Variants in GPC6 observed in about 807,000 individuals in gnomAD.
The protein encoded by GPC6 is glypican 6.
GPC6 carries 14 observed loss-of-function variants against 55.2 expected under a neutral mutation model. The ratio of observed to expected loss-of-function variants is 0.25; its 90% CI spans 0.17 to 0.40. GPC6 has a LOEUF of 0.40. GPC6 is among the 10% of genes least tolerant of loss of function. The probability of loss-of-function intolerance (pLI) is 1.00; values close to 1 mark genes in which losing one functional copy is unlikely to be tolerated. For synonymous variants in GPC6, 278 were observed against 259.6 expected (o/e 1.07, Z -0.68); for missense variants, 641 against 708.5 (o/e 0.90, Z 1.08).
intron 4 of GPC6, among the ~76,000 whole-genome samples, chr13:94,045,469 C>T (rs1395713955): frequency 6.6e-6 from 1 of 151,848 alleles, no homozygotes; most frequent in African/African-American, 2.4e-5. Flanking sequence ...CTCTTGTCCA[C>T]CTGGCAGTAT....
At chr13:93,804,592 A>G (rs1886485150) in intron 2 of GPC6, among the ~76,000 whole-genome samples, 1 of 152,198 alleles carries the variant, frequency 6.6e-6, no homozygotes, top group African/African-American at 2.4e-5. Flanking sequence ...TATATTTCAT[A>G]GTAAGTTCTT....
chr13:93,626,026 T>C (rs1278305916), intron 2 of GPC6, among the ~76,000 whole-genome samples: 1 of 152,176 alleles, frequency 6.6e-6, no homozygotes, highest in Admixed American at 6.5e-5. Flanking sequence ...TCCATCATGA[T>C]TGATACATGA....
chr13:93,931,145 G>A (rs141396483), intron 3 of GPC6, among the ~76,000 whole-genome samples: 6 of 152,190 alleles, frequency 3.9e-5, no homozygotes, highest in African/African-American at 1.2e-4. Context: ...TTACAATTCA[G>A]TATGAGATTT....
intron 4 of GPC6, among the ~76,000 whole-genome samples, chr13:94,262,641 C>G (rs1170061118): frequency 2.0e-5 from 3 of 150,016 alleles, no homozygotes; most frequent in Non-Finnish European, 4.4e-5. Context: ...CCACTGCACT[C>G]CAGCCTGGGC....
chr13:93,594,157 T>A (rs187825487), intron 2 of GPC6, among the ~76,000 whole-genome samples: 35 of 152,228 alleles, frequency 2.3e-4, no homozygotes, highest in Middle Eastern at 3.4e-3. Flanking sequence ...ATTTTATTTT[T>A]TTTTTTACTT....
At chr13:93,883,979 A>G (rs1875159635) in intron 3 of GPC6, among the ~76,000 whole-genome samples, 1 of 152,310 alleles carries the variant, frequency 6.6e-6, no homozygotes, top group Non-Finnish European at 1.5e-5. Context: ...TTAAATTGTT[A>G]CATATAAAAT....
At chr13:93,789,871 A>G (rs1449928674) in intron 2 of GPC6, among the ~76,000 whole-genome samples, 1 of 151,606 alleles carries the variant, frequency 6.6e-6, no homozygotes, top group Non-Finnish European at 1.5e-5. Context: ...CATAAGGAGA[A>G]ACATATACTC....
chr13:93,364,594 T>C lies in GPC6; in HGVS notation c.160+136978T>C, dbSNP rs192118145. 2.0e-5 allele frequency among the ~76,000 whole-genome samples: 3 copies of C among 152,034 alleles called. No homozygotes were observed. In the East Asian group the frequency reaches 5.8e-4, roughly 29 times the overall value. On this transcript the variant is annotated intron_variant, in intron 1 of 8. Transcript: ENST00000377047. The stretch of plus-strand genomic sequence containing the variant: ...GTAAAAGCTATGAATTAAGTGAGCC[T>C]TGTTTGAAATAAATGAATTATCTCT...
At chr13:93,605,411 C>T (rs1228437793) in intron 2 of GPC6, among the ~76,000 whole-genome samples, 1 of 152,126 alleles carries the variant, frequency 6.6e-6, no homozygotes, top group East Asian at 1.9e-4. Flanking sequence ...CTAGCTAATT[C>T]CTCCTTTGAT....
At chr13:93,350,637 T>C (rs1212646155) in intron 1 of GPC6, among the ~76,000 whole-genome samples, 2 of 152,192 alleles carry the variant, frequency 1.3e-5, no homozygotes, top group Non-Finnish European at 2.9e-5. Flanking sequence ...TTAAGAATTT[T>C]CCCAGTTCAT....
intron 1 of GPC6, among the ~76,000 whole-genome samples, chr13:93,284,451 C>A (rs1878046910): frequency 6.6e-6 from 1 of 152,146 alleles, no homozygotes; most frequent in African/African-American, 2.4e-5. Context: ...AATGTCTCAA[C>A]AAATGAAATT....
At chr13:94,106,318 C>G (rs1366900029) in intron 4 of GPC6, among the ~76,000 whole-genome samples, 1 of 152,178 alleles carries the variant, frequency 6.6e-6, no homozygotes, top group Non-Finnish European at 1.5e-5. Flanking sequence ...GAAAAGGTTA[C>G]ATTATTTGGT....
intron 1 of GPC6, among the ~76,000 whole-genome samples, chr13:93,541,344 A>G (rs965811777): frequency 1.5e-5 from 2 of 137,806 alleles, no homozygotes; most frequent in African/African-American, 5.4e-5. Context: ...TGTCCCTACA[A>G]AGGACATGAA....
intron 4 of GPC6, among the ~76,000 whole-genome samples, chr13:94,139,347 C>A (rs563797059): frequency 6.6e-6 from 1 of 152,162 alleles, no homozygotes; most frequent in Non-Finnish European, 1.5e-5. Flanking sequence ...CAGAAAGGAA[C>A]TACAAAGAAC....
chr13:93,258,795 A>G lies in GPC6; in HGVS notation c.160+31179A>G, dbSNP rs185297240. On this transcript the variant is annotated intron_variant, in intron 1 of 8. Coordinates refer to ENST00000377047, the MANE Select transcript of GPC6 (RefSeq NM_005708.5). ...CTCTACAGAAAAAATAAAAAATAAA[A>G]AAAAATTAGCCTGGTGTGATGCCAT... Among the ~76,000 whole-genome samples the G allele has an allele frequency of 8.5e-4, 129 of 152,070 alleles. 1 individual carries two copies. Among genetic ancestry groups the G allele is most frequent in the Middle Eastern group, 3.4e-3 (1 of 294 alleles).
At chr13:93,383,482 G>A (rs913018599) in intron 1 of GPC6, among the ~76,000 whole-genome samples, 5 of 152,196 alleles carry the variant, frequency 3.3e-5, no homozygotes, top group Non-Finnish European at 7.3e-5. Flanking sequence ...CTCCTAAAAT[G>A]TTGGGATTAC....
intron 6 of GPC6, among the ~76,000 whole-genome samples, chr13:94,310,629 G>A (rs1876197004): frequency 6.6e-6 from 1 of 152,068 alleles, no homozygotes. Flanking sequence ...ATTCCGGAGA[G>A]TCCCTGAGAA....
At chr13:93,972,711 A>G (rs960489327) in intron 3 of GPC6, among the ~76,000 whole-genome samples, 9 of 152,192 alleles carry the variant, frequency 5.9e-5, no homozygotes, top group Admixed American at 5.2e-4. Flanking sequence ...TCTAAGTTAG[A>G]GAATGCTATT....
At chr13:93,758,860 G>A (rs769473259) in intron 2 of GPC6, among the ~76,000 whole-genome samples, 3 of 151,932 alleles carry the variant, frequency 2.0e-5, no homozygotes, top group Admixed American at 1.3e-4. Flanking sequence ...GTTCTTGTTC[G>A]CAGGTTTAAT....
Sources: allele counts gnomAD v4.1 joint callset (sites outside exome capture counted in the v4.1 genomes callset), GRCh38; gene constraint gnomAD v4.1.1; transcripts MANE v1.5; gene names NCBI Gene and HGNC (gene_info 2026-07-23, HGNC 2026-07-21).